Variants in FASTKD1 observed in about 807,000 individuals in gnomAD.
FASTKD1 encodes FAST kinase domain-containing protein 1, mitochondrial.
A neutral mutation model predicts 90.9 loss-of-function variants in FASTKD1; 94 were observed. The observed-to-expected ratio is 1.03, with a 90% CI of 0.88 to 1.23. FASTKD1 has a LOEUF of 1.23. Among genes scored for constraint, FASTKD1 ranks in the 50% most tolerant of loss-of-function variants. The probability of loss-of-function intolerance (pLI) is 0.00; values close to 1 mark genes in which losing one functional copy is unlikely to be tolerated. For synonymous variants in FASTKD1, 319 were observed against 345.8 expected (o/e 0.92, Z 0.86); for missense variants, 945 against 993.5 (o/e 0.95, Z 0.66).
intron 7 of FASTKD1, among the ~76,000 whole-genome samples, chr2:169,553,653 C>T (rs1685598527): frequency 6.6e-6 from 1 of 152,166 alleles, no homozygotes; most frequent in Non-Finnish European, 1.5e-5. Context: ...CGCAGTGGCT[C>T]ACGCCTGTAA....
At chr2:169,557,739 A>C (rs1683387819) in intron 5 of FASTKD1, among the ~76,000 whole-genome samples, 1 of 152,230 alleles carries the variant, frequency 6.6e-6, no homozygotes, top group South Asian at 2.1e-4. Context: ...GAAATCTCAT[A>C]TACTAAGCAC....
At position 169,570,614 on chromosome 2, in the gene FASTKD1, G is replaced by A. The variant is rs181622752; in HGVS notation, c.377+1039C>T. Among the ~76,000 whole-genome samples the A allele has an allele frequency of 2.2e-3, 334 of 151,434 alleles. 1 individual carries two copies. Among genetic ancestry groups the A allele is most frequent in the African/African-American group, 7.7e-3 (316 of 41,292 alleles). On this transcript the variant is annotated intron_variant, in intron 2 of 14. Coordinates refer to ENST00000453153, the MANE Select transcript of FASTKD1 (RefSeq NM_024622.6). ...GTGCCGTCCATTTAATTACAATAAC[G>A]AGATTGCAAACAAGTTATCACAGAC...
At chr2:169,566,992 G>A (rs1186493614) in intron 3 of FASTKD1, among the ~76,000 whole-genome samples, 2 of 152,042 alleles carry the variant, frequency 1.3e-5, no homozygotes, top group Admixed American at 1.3e-4. Context: ...GCAGGTGCCT[G>A]TAGTCCCAGC....
intron 3 of FASTKD1, among the ~76,000 whole-genome samples, chr2:169,564,158 A>G (rs750126192): frequency 1.3e-5 from 2 of 152,164 alleles, no homozygotes; most frequent in African/African-American, 4.8e-5. Flanking sequence ...TTTTCTGTAA[A>G]GTTTATTTAA....
chr2:169,561,986 TATTGTAAATTAATTATTC>T (rs1262995600), intron 4 of FASTKD1, among the ~76,000 whole-genome samples: 18 of 125,460 alleles, frequency 1.4e-4, no homozygotes, highest in Admixed American at 5.5e-4. Context: ...TTCATTAATT[TATTGTAAATTAATTATTC>T]ATTAATTTAT....
chr2:169,563,536 AG>A (rs1683809706), intron 3 of FASTKD1, 186 bp from the exon 4 acceptor site: 1 of 315,930 alleles, frequency 3.2e-6, no homozygotes, highest in Non-Finnish European at 5.6e-6. Context: ...AGGTTTTGAA[AG>A]GGGGAAAATC....
At chr2:169,542,699 T>C (rs1685008096) in intron 9 of FASTKD1, among the ~76,000 whole-genome samples, 1 of 152,162 alleles carries the variant, frequency 6.6e-6, no homozygotes, top group Non-Finnish European at 1.5e-5. Context: ...ACCCCATCTC[T>C]AAATTTAAAA....
intron 5 of FASTKD1, 59 bp downstream of exon 5, chr2:169,560,328 A>C (rs777233577): frequency 3.9e-4 from 543 of 1,391,274 alleles, no homozygotes; most frequent in Non-Finnish European, 5.1e-4. Flanking sequence ...AGGAGACCTA[A>C]GCTTGAAGGC....
At position 169,563,207 on chromosome 2, in the gene FASTKD1, T is replaced by G. The variant is rs1683788635; in HGVS notation, c.572+18A>C. 2.5e-6 allele frequency: 4 copies of G among 1,605,752 alleles called. No homozygotes were observed. The highest frequency in any genetic ancestry group is 3.4e-6 in the Non-Finnish European group (4 of 1,176,838). Reference sequence around the variant, plus strand: ...AGGATCTTTCCACCACAACACAAGATTCCCTAAATAAATTTACCTTAAGTC... The same window carrying G: ...AGGATCTTTCCACCACAACACAAGAGTCCCTAAATAAATTTACCTTAAGTC... On this transcript the variant is annotated intron_variant, in intron 4 of 14. Transcript: ENST00000453153.
chr2:169,553,623 C>T (rs1019075716), intron 7 of FASTKD1, among the ~76,000 whole-genome samples: 1 of 151,950 alleles, frequency 6.6e-6, no homozygotes, highest in African/African-American at 2.4e-5. Context: ...TCAGAAATCA[C>T]AGTAAAAAAT....
chr2:169,561,858 G>GTAAATTATTTATTTATTTATTT (rs1185628174), intron 4 of FASTKD1, among the ~76,000 whole-genome samples: 1 of 117,938 alleles, frequency 8.5e-6, no homozygotes, highest in African/African-American at 2.8e-5. Flanking sequence ...TTAATTTATT[G>GTAAATTATTTATTTATTTATTT]TAAAATAATT....
intron 5 of FASTKD1, among the ~76,000 whole-genome samples, chr2:169,558,254 G>A (rs924968968): frequency 2.0e-5 from 3 of 152,014 alleles, no homozygotes; most frequent in Non-Finnish European, 2.9e-5. Context: ...AAGTTTGTTC[G>A]TGTGTGTGTT....
intron 4 of FASTKD1, among the ~76,000 whole-genome samples, chr2:169,561,748 A>ATAAATTAATTATTAATTTATTG: frequency 1.3e-5 from 1 of 74,296 alleles, no homozygotes; most frequent in Admixed American, 1.6e-4. Context: ...ATTATTCATT[A>ATAAATTAATTATTAATTTATTG]TAAATTATTT....
intron 7 of FASTKD1, among the ~76,000 whole-genome samples, chr2:169,554,059 C>T (rs996372474): frequency 6.6e-6 from 1 of 150,608 alleles, no homozygotes; most frequent in African/African-American, 2.4e-5. Flanking sequence ...AAGCTATGAT[C>T]ATGCCACTGC....
rs1559135731 is a variant in FASTKD1, at chr2:169,530,705, C to T, written c.2328-4G>A. The T allele has an allele frequency of 6.7e-7, 1 of 1,483,532 alleles. No homozygotes were observed. Among genetic ancestry groups the T allele is most frequent in the Non-Finnish European group, 9.2e-7 (1 of 1,083,532 alleles). The allele number at this position is 1,483,532 out of a possible 1,614,324, so 91.9% of individuals were successfully genotyped here. ...ATCCAAAAATTCCAAAGCAATCCTA[C>T]ATAAAATAAAAAAATATTTACTCCT... On this transcript the variant is annotated splice_polypyrimidine_tract_variant and splice_region_variant and intron_variant, in intron 13 of 14. Transcript: ENST00000453153.
intron 7 of FASTKD1, among the ~76,000 whole-genome samples, chr2:169,548,472 C>T (rs943880988): frequency 6.6e-6 from 1 of 151,020 alleles, no homozygotes; most frequent in African/African-American, 2.4e-5. Context: ...TGGCTCACAC[C>T]TTTAATTCCA....
At chr2:169,543,649 C>A (rs1685058183) in intron 9 of FASTKD1, among the ~76,000 whole-genome samples, 1 of 152,276 alleles carries the variant, frequency 6.6e-6, no homozygotes, top group Non-Finnish European at 1.5e-5. Context: ...CATACGCATA[C>A]GCGCTTGTGC....
At chr2:169,533,022 A>G (rs148861950) in intron 12 of FASTKD1, among the ~76,000 whole-genome samples, 503 of 151,988 alleles carry the variant, frequency 3.3e-3, no homozygotes, top group African/African-American at 0.011. Context: ...AAAATTTCCC[A>G]TATCTCTCTA....
At chr2:169,557,523 A>G (rs1035693300) in intron 5 of FASTKD1, among the ~76,000 whole-genome samples, 1 of 152,198 alleles carries the variant, frequency 6.6e-6, no homozygotes, top group African/African-American at 2.4e-5. Flanking sequence ...TTATAATCCA[A>G]TCTTAAACTG....
Sources: allele counts gnomAD v4.1 joint callset (sites outside exome capture counted in the v4.1 genomes callset), GRCh38; gene constraint gnomAD v4.1.1; transcripts MANE v1.5; gene names NCBI Gene and HGNC (gene_info 2026-07-23, HGNC 2026-07-21).